The following FGF10 variants were observed in gnomAD, a reference collection of about 807,000 sequenced individuals.
FGF10 encodes the protein FGF-10.
In FGF10, 2 loss-of-function variants were observed where a neutral mutation model predicts 19.8. The ratio of observed to expected loss-of-function variants is 0.10; its 90% CI spans 0.04 to 0.32. The LOEUF is 0.32. Among genes scored for constraint, FGF10 ranks in the 10% least tolerant of loss-of-function variants. The pLI is 1.00. For synonymous variants in FGF10, 112 were observed against 94.0 expected (o/e 1.19, Z -1.10); for missense variants, 191 against 246.3 (o/e 0.78, Z 1.50).
At chr5:44,376,674 A>C (rs1034299857) in intron 1 of FGF10, among the ~76,000 whole-genome samples, 1 of 151,882 alleles carries the variant, frequency 6.6e-6, no homozygotes, top group Non-Finnish European at 1.5e-5. Context: ...TCATTTGGCA[A>C]ATCAGAAATA....
At chr5:44,307,568 G>T (rs17228193) in intron 2 of FGF10, among the ~76,000 whole-genome samples, 3,587 of 152,226 alleles carry the variant, frequency 0.024, 152 homozygotes, top group African/African-American at 0.081. Flanking sequence ...AATAGAGGAA[G>T]ATAATTCAAG....
At position 44,302,802 on chromosome 5, in the gene FGF10, A is replaced by G. The variant is rs1739994402; in HGVS notation, c.*2193T>C. Among the ~76,000 whole-genome samples the G allele has an allele frequency of 1.3e-5, 2 of 152,182 alleles. No homozygotes were observed. Among genetic ancestry groups the G allele is most frequent in the Non-Finnish European group, 2.9e-5 (2 of 68,030 alleles). On this transcript the variant is annotated 3_prime_UTR_variant, in exon 3 of 3. Coordinates refer to ENST00000264664, the MANE Select transcript of FGF10 (RefSeq NM_004465.2). Reference sequence around the variant, plus strand: ...ACTATAATGATGACTGTTTACACATAGTCTCTTTAGTAATCTAAATGTCTA... The same window carrying G: ...ACTATAATGATGACTGTTTACACATGGTCTCTTTAGTAATCTAAATGTCTA...
chr5:44,387,053 A>C (rs980782006), intron 1 of FGF10, among the ~76,000 whole-genome samples: 9 of 152,232 alleles, frequency 5.9e-5, no homozygotes, highest in Non-Finnish European at 1.0e-4. Context: ...TTTAAAGGTG[A>C]CTTGGAATTT....
chr5:44,366,345 C>G (rs1741614372), intron 1 of FGF10, among the ~76,000 whole-genome samples: 1 of 151,638 alleles, frequency 6.6e-6, no homozygotes, highest in African/African-American at 2.4e-5. Context: ...TAAAGGCATC[C>G]TGCATTTTCA....
At chr5:44,387,654 G>T (rs2111936695) in intron 1 of FGF10, among the ~76,000 whole-genome samples, 1 of 152,224 alleles carries the variant, frequency 6.6e-6, no homozygotes, top group East Asian at 1.9e-4. Flanking sequence ...GTTACCAAGA[G>T]GGAAGGCAGG....
intron 1 of FGF10, among the ~76,000 whole-genome samples, chr5:44,367,931 A>G (rs1237192174): frequency 6.6e-6 from 1 of 151,974 alleles, no homozygotes; most frequent in Non-Finnish European, 1.5e-5. Context: ...GCACATAAAG[A>G]ACACATATGT....
chr5:44,350,537 AAT>A (rs1181315821), intron 1 of FGF10, among the ~76,000 whole-genome samples: 1 of 151,098 alleles, frequency 6.6e-6, no homozygotes, highest in East Asian at 1.9e-4. Context: ...ATAAAAAAGT[AAT>A]GTTTACATGT....
At chr5:44,308,541 G>A (rs1166649347) in intron 2 of FGF10, among the ~76,000 whole-genome samples, 2 of 152,064 alleles carry the variant, frequency 1.3e-5, no homozygotes, top group Admixed American at 6.6e-5. Flanking sequence ...ACCTGGACAT[G>A]TTTAATGAAA....
intron 1 of FGF10, among the ~76,000 whole-genome samples, chr5:44,381,855 G>A (rs762387586): frequency 1.3e-5 from 2 of 152,144 alleles, no homozygotes; most frequent in African/African-American, 2.4e-5. Flanking sequence ...TTCAGAATTA[G>A]GTTCTAGTTG....
chr5:44,305,778 T>A (rs1386015670), intron 2 of FGF10, among the ~76,000 whole-genome samples: 1 of 152,194 alleles, frequency 6.6e-6, no homozygotes. Context: ...TGAAATTATT[T>A]GCAATATTCT....
chr5:44,342,968 A>G (rs759969601), intron 1 of FGF10, among the ~76,000 whole-genome samples: 6 of 151,914 alleles, frequency 3.9e-5, no homozygotes, highest in African/African-American at 1.4e-4. Context: ...TTTCCTCACC[A>G]TTCCATCAAA....
At chr5:44,364,158 T>C (rs559426328) in intron 1 of FGF10, among the ~76,000 whole-genome samples, 112 of 151,980 alleles carry the variant, frequency 7.4e-4, no homozygotes, top group African/African-American at 2.7e-3. Context: ...AGAAATAGCA[T>C]TTCTTACTGT....
chr5:44,339,062 T>G (rs1410779178), intron 1 of FGF10, among the ~76,000 whole-genome samples: 2 of 152,158 alleles, frequency 1.3e-5, no homozygotes, highest in Non-Finnish European at 2.9e-5. Flanking sequence ...TTTACTATTT[T>G]TTCTAAAAGC....
intron 1 of FGF10, among the ~76,000 whole-genome samples, chr5:44,375,013 T>A (rs1337737488): frequency 1.1e-4 from 17 of 152,210 alleles, no homozygotes. Context: ...TTTTAAGAGC[T>A]AATTTACTTC....
intron 1 of FGF10, among the ~76,000 whole-genome samples, chr5:44,328,225 G>A (rs979639435): frequency 5.3e-5 from 8 of 152,102 alleles, no homozygotes; most frequent in African/African-American, 1.4e-4. Flanking sequence ...CAACGTAATC[G>A]CATTGGAAAG....
intron 2 of FGF10, among the ~76,000 whole-genome samples, chr5:44,308,627 C>G (rs565443073): frequency 8.5e-5 from 13 of 152,182 alleles, no homozygotes; most frequent in Admixed American, 7.2e-4. Context: ...TCTGTTATTC[C>G]TCTGGGTTCA....
chr5:44,317,277 G>T (rs949561585), intron 1 of FGF10, among the ~76,000 whole-genome samples: 7 of 152,130 alleles, frequency 4.6e-5, no homozygotes, highest in African/African-American at 1.7e-4. Flanking sequence ...ATCTGAATTT[G>T]CAGAAAATCC....
intron 1 of FGF10, among the ~76,000 whole-genome samples, chr5:44,356,264 G>A (rs1741344751): frequency 6.6e-6 from 1 of 151,222 alleles, no homozygotes; most frequent in African/African-American, 2.4e-5. Flanking sequence ...CAAAAAGTTG[G>A]GTATGTTTCA....
At position 44,375,443 on chromosome 5, in the gene FGF10, G is replaced by A. The variant is rs1484821813; in HGVS notation, c.325+12915C>T. Reference sequence around the variant, plus strand: ...TTCCAGGCCGACCTAGCAGTGTCTGGCAAGGCTGAACAGGAAGGGACAAGG... The same window carrying A: ...TTCCAGGCCGACCTAGCAGTGTCTGACAAGGCTGAACAGGAAGGGACAAGG... On this transcript the variant is annotated intron_variant, in intron 1 of 2. Transcript: ENST00000264664. Among the ~76,000 whole-genome samples, 5 of 152,252 alleles carry A rather than the reference G, an allele frequency of 3.3e-5. No homozygotes were observed. In the East Asian group the frequency reaches 9.7e-4, roughly 29 times the overall value.
Sources: allele counts gnomAD v4.1 joint callset (sites outside exome capture counted in the v4.1 genomes callset), GRCh38; gene constraint gnomAD v4.1.1; transcripts MANE v1.5; gene names NCBI Gene and HGNC (gene_info 2026-07-23, HGNC 2026-07-21).